Variants in GSK3B observed in about 807,000 individuals in gnomAD.
GSK3B encodes the protein glycogen synthase kinase 3 beta.
Under a neutral mutation model 56.4 loss-of-function variants are expected in GSK3B, and 15 were observed. The ratio of observed to expected loss-of-function variants is 0.27; its 90% confidence interval spans 0.18 to 0.41. The LOEUF is 0.41. GSK3B is among the 10% of genes least tolerant of loss of function. GSK3B has a pLI of 1.00. For missense variants in GSK3B, 300 were observed against 513.4 expected (o/e 0.58, Z 4.02); for synonymous variants, 181 against 188.9 (o/e 0.96, Z 0.34).
At chr3:119,854,479 G>A (rs2055988601) in intron 9 of GSK3B, among the ~76,000 whole-genome samples, 1 of 152,192 alleles carries the variant, frequency 6.6e-6, no homozygotes, top group South Asian at 2.1e-4. Flanking sequence ...GACTGGAATA[G>A]TTTCAGAAGG....
intron 10 of GSK3B, among the ~76,000 whole-genome samples, chr3:119,838,740 G>A (rs1211655218): frequency 6.6e-6 from 1 of 152,030 alleles, no homozygotes; most frequent in Non-Finnish European, 1.5e-5. Flanking sequence ...AATACATACT[G>A]TTTTATTATA....
At chr3:120,033,802 T>C (rs889713447) in intron 1 of GSK3B, among the ~76,000 whole-genome samples, 2 of 152,142 alleles carry the variant, frequency 1.3e-5, no homozygotes, top group Non-Finnish European at 2.9e-5. Flanking sequence ...TCTCTCTCTC[T>C]CCTGCTCCAC....
intron 6 of GSK3B, among the ~76,000 whole-genome samples, chr3:119,906,265 C>A (rs999562980): frequency 6.6e-6 from 1 of 152,062 alleles, no homozygotes; most frequent in Admixed American, 6.6e-5. Context: ...CTCTCCCAGA[C>A]ACTGGGCTTT....
chr3:119,853,854 T>A (rs1275204730), intron 9 of GSK3B, among the ~76,000 whole-genome samples: 2 of 152,140 alleles, frequency 1.3e-5, no homozygotes, highest in Non-Finnish European at 2.9e-5. Context: ...TATACAATCA[T>A]CTCATCTGCA....
intron 3 of GSK3B, among the ~76,000 whole-genome samples, chr3:119,931,826 T>C (rs1182188929): frequency 1.3e-5 from 2 of 152,120 alleles, no homozygotes; most frequent in Admixed American, 6.5e-5. Flanking sequence ...TGGATCTACT[T>C]AGAAACTTCC....
At position 120,019,162 on chromosome 3, in the gene GSK3B, T is replaced by C. The variant is rs1396681323; in HGVS notation, c.89-16923A>G. On this transcript the variant is annotated intron_variant, in intron 1 of 10. Coordinates refer to ENST00000264235, the MANE Select transcript of GSK3B (RefSeq NM_001146156.2). The stretch of plus-strand genomic sequence containing the variant: ...TTACTTTTCATACATTCAAAAAATA[T>C]ATTTTCTTAATAATAGTTTAATACA... 3.3e-5 allele frequency among the ~76,000 whole-genome samples: 5 copies of C among 152,168 alleles called. No homozygotes were observed. The South Asian group carries it at 8.3e-4, about 25-fold the overall frequency.
chr3:119,969,693 T>C (rs923128353), intron 2 of GSK3B, among the ~76,000 whole-genome samples: 5 of 152,180 alleles, frequency 3.3e-5, no homozygotes, highest in Admixed American at 2.0e-4. Context: ...TATGGTCAAC[T>C]AAACTTTCAC....
Position 119,850,002 on chromosome 3 carries a change from A to T in GSK3B, c.1097-6649T>A, listed in dbSNP as rs575220579. Reference sequence around the variant, plus strand: ...CGAATACAATGTAAATACTATGTAAATAGTTTTATAGATGTAAATCTATAG... The same window carrying T: ...CGAATACAATGTAAATACTATGTAATTAGTTTTATAGATGTAAATCTATAG... On this transcript the variant is annotated intron_variant, in intron 9 of 10. Coordinates refer to ENST00000264235, the MANE Select transcript of GSK3B (RefSeq NM_001146156.2). Among the ~76,000 whole-genome samples the T allele has an allele frequency of 2.6e-4, 40 of 152,222 alleles. No homozygotes were observed. In the South Asian group the frequency reaches 8.3e-3, roughly 32 times the overall value.
intron 1 of GSK3B, among the ~76,000 whole-genome samples, chr3:120,085,239 T>C (rs1016336239): frequency 2.0e-5 from 3 of 152,226 alleles, no homozygotes; most frequent in African/African-American, 7.2e-5. Flanking sequence ...GAATATGATA[T>C]ACAGTACGTT....
chr3:119,897,195 G>A (rs1006134657), intron 7 of GSK3B, among the ~76,000 whole-genome samples: 4 of 152,082 alleles, frequency 2.6e-5, no homozygotes, highest in East Asian at 1.9e-4. Context: ...GAGCTACATC[G>A]CCAGGAGTTA....
chr3:119,932,847 C>T (rs921555985), intron 3 of GSK3B, among the ~76,000 whole-genome samples: 6 of 152,118 alleles, frequency 3.9e-5, no homozygotes, highest in Non-Finnish European at 7.4e-5. Flanking sequence ...CGGTGGCTCA[C>T]GCTTGTAATC....
At chr3:120,013,564 C>T (rs1351756965) in intron 1 of GSK3B, among the ~76,000 whole-genome samples, 1 of 152,114 alleles carries the variant, frequency 6.6e-6, no homozygotes, top group African/African-American at 2.4e-5. Flanking sequence ...AATGAAGTCT[C>T]CACGTAGAAA....
At chr3:120,058,747 T>A (rs2058212021) in intron 1 of GSK3B, among the ~76,000 whole-genome samples, 1 of 152,134 alleles carries the variant, frequency 6.6e-6, no homozygotes. Flanking sequence ...TGGTGGCTCA[T>A]GCCTGTAATC....
In GSK3B at chr3:119,989,119, CCCGA is replaced by C. The variant is rs1204031813; in HGVS notation, c.282+12923_282+12926del. On this transcript the variant is annotated intron_variant, in intron 2 of 10. Transcript: ENST00000264235. ...TTCAGCAGACGCTGCCTCTAAGCTC[CCCGA>C]CCATCACAGAAGGAAATCTCTTCAC... 4.6e-5 allele frequency among the ~76,000 whole-genome samples: 7 copies of C among 152,300 alleles called. No individual in the cohort carries two copies. The East Asian group carries it at 1.4e-3, about 29-fold the overall frequency.
chr3:119,835,151 TGTGCACAC>T (rs528718420), intron 10 of GSK3B, among the ~76,000 whole-genome samples: 1 of 152,226 alleles, frequency 6.6e-6, no homozygotes, highest in Non-Finnish European at 1.5e-5. Flanking sequence ...AAAATGTGTA[TGTGCACAC>T]ATGCACACTG....
chr3:119,862,109 A>C (rs1018671922), intron 9 of GSK3B, among the ~76,000 whole-genome samples: 1 of 151,862 alleles, frequency 6.6e-6, no homozygotes, highest in African/African-American at 2.4e-5. Context: ...TTTTAAAAGA[A>C]ACTTGGAACC....
chr3:119,856,546 C>T (rs1395108434), intron 9 of GSK3B, among the ~76,000 whole-genome samples: 1 of 152,152 alleles, frequency 6.6e-6, no homozygotes, highest in African/African-American at 2.4e-5. Context: ...TGAATACAGT[C>T]ACTCATTATT....
chr3:119,961,065 A>G (rs1387087527), intron 2 of GSK3B, among the ~76,000 whole-genome samples: 3 of 152,226 alleles, frequency 2.0e-5, no homozygotes, highest in African/African-American at 7.2e-5. Context: ...AGGAGTTAGA[A>G]AAACAAGTTA....
In GSK3B at chr3:120,062,770, A is replaced by G. The variant is rs1227975189; in HGVS notation, c.88+30577T>C. On this transcript the variant is annotated intron_variant, in intron 1 of 10. Coordinates refer to ENST00000264235, the MANE Select transcript of GSK3B (RefSeq NM_001146156.2). ...TTCAACTCTGCTGGTAGGCATCTCA[A>G]CTGTATCTGGATTTACTTTTAGTAT... Among the ~76,000 whole-genome samples, 3 of 152,198 alleles carry G rather than the reference A, an allele frequency of 2.0e-5. No individual in the cohort carries two copies. In the East Asian group the frequency reaches 5.8e-4, roughly 29 times the overall value.
Sources: gnomAD v4.1 joint callset for allele counts (sites outside exome capture counted in the v4.1 genomes callset) on GRCh38, gnomAD v4.1.1 for gene constraint, MANE v1.5 for transcripts, NCBI Gene and HGNC (gene_info 2026-07-23, HGNC 2026-07-21) for gene names.